Variants in KCMF1 observed in about 807,000 individuals in gnomAD.
KCMF1 encodes the protein potassium channel modulatory factor 1.
KCMF1 carries 3 observed loss-of-function variants against 41.1 expected under a neutral mutation model. The ratio of observed to expected loss-of-function variants is 0.07; its 90% CI spans 0.03 to 0.19. The LOEUF (loss-of-function observed/expected upper bound fraction) is 0.19, where lower values mean the gene tolerates loss of function less well. Among genes scored for constraint, KCMF1 ranks in the 10% least tolerant of loss-of-function variants. The pLI, the probability that KCMF1 is intolerant of heterozygous loss-of-function variation, is 1.00. For synonymous variants in KCMF1, 142 were observed against 164.5 expected, an observed-to-expected ratio of 0.86 and a Z score of 1.04; for missense variants, 286 against 488.9, an observed-to-expected ratio of 0.58 and a Z score of 3.91.
At chr2:85,006,912 C>T (rs773781933) in intron 1 of KCMF1, among the ~76,000 whole-genome samples, 13 of 151,592 alleles carry the variant, frequency 8.6e-5, no homozygotes, top group Non-Finnish European at 1.8e-4. Flanking sequence ...AGTTTGAGAC[C>T]AGGCTGACCA....
At chr2:84,993,295 C>A (rs1454692153) in intron 1 of KCMF1, among the ~76,000 whole-genome samples, 3 of 152,050 alleles carry the variant, frequency 2.0e-5, no homozygotes, top group Admixed American at 2.0e-4. Flanking sequence ...TCACTGTCCT[C>A]ATGACATAAT....
intron 4 of KCMF1, 57 bp from the exon 5 acceptor site, chr2:85,046,047 G>C (rs1317328107): frequency 9.9e-6 from 14 of 1,407,878 alleles, no homozygotes; most frequent in Non-Finnish European, 1.3e-5. Flanking sequence ...CAAGGACTCA[G>C]GTGATTTTTT....
chr2:85,007,983 G>A (rs1015259931), intron 1 of KCMF1, among the ~76,000 whole-genome samples: 4 of 151,840 alleles, frequency 2.6e-5, no homozygotes, highest in African/African-American at 9.7e-5. Context: ...GGCTGGCTTT[G>A]AACTCCTGAC....
chr2:85,049,779 C>G, intron 6 of KCMF1, 131 bp downstream of exon 6: 1 of 703,542 alleles, frequency 1.4e-6, no homozygotes, highest in Non-Finnish European at 2.3e-6. Flanking sequence ...TCACAGATCT[C>G]TGATTAAAAC....
intron 1 of KCMF1, among the ~76,000 whole-genome samples, chr2:85,011,987 T>A (rs1181386449): frequency 1.3e-5 from 2 of 152,144 alleles, no homozygotes; most frequent in Non-Finnish European, 2.9e-5. Context: ...TTGAGACCCA[T>A]TTCCTAGACC....
chr2:84,992,665 C>T (rs1674071336), intron 1 of KCMF1, among the ~76,000 whole-genome samples: 1 of 151,776 alleles, frequency 6.6e-6, no homozygotes, highest in Admixed American at 6.6e-5. Flanking sequence ...CGGAGTCTAG[C>T]TCTGTCGCCC....
chr2:85,025,689 A>G (rs1054611495), intron 1 of KCMF1, among the ~76,000 whole-genome samples: 4 of 151,836 alleles, frequency 2.6e-5, no homozygotes, highest in African/African-American at 7.3e-5. Flanking sequence ...GCTTACTGCA[A>G]CCTCTGCCTC....
At chr2:85,019,904 A>AAC (rs1674889037) in intron 1 of KCMF1, among the ~76,000 whole-genome samples, 3 of 151,940 alleles carry the variant, frequency 2.0e-5, no homozygotes, top group Non-Finnish European at 4.4e-5. Flanking sequence ...GAGAAGCTAA[A>AAC]ATATATATAT....
At position 85,056,591 on chromosome 2, in the gene KCMF1, G is replaced by A. The variant is rs895019033; in HGVS notation, c.*3182G>A. On this transcript the variant is annotated 3_prime_UTR_variant, in exon 7 of 7. Transcript: ENST00000409785. ...GGACAAAGTGGGTTGGGGGGTAGAA[G>A]GAGAATACTAGAGAGGTTACGGTAG... 2 of 152,220 alleles carry A rather than the reference G, an allele frequency of 1.3e-5. No individual in the cohort carries two copies. The highest frequency in any genetic ancestry group is 4.8e-5 in the African/African-American group (2 of 41,442). The allele number at this position is 152,220 out of a possible 1,614,324, so 9.4% of individuals were successfully genotyped here. A position where few individuals can be genotyped will look rare whatever the true frequency, so the allele number is the denominator to read the frequency against.
chr2:84,976,083 C>T (rs1304960927), intron 1 of KCMF1, among the ~76,000 whole-genome samples: 5 of 152,050 alleles, frequency 3.3e-5, no homozygotes, highest in African/African-American at 1.2e-4. Context: ...GTGAAACATG[C>T]CATAAGGAAG....
At chr2:85,005,278 T>C (rs928469457) in intron 1 of KCMF1, among the ~76,000 whole-genome samples, 1 of 151,548 alleles carries the variant, frequency 6.6e-6, no homozygotes, top group Non-Finnish European at 1.5e-5. Context: ...GATATTTTGC[T>C]TTTTTATTTA....
At chr2:84,974,691 ATTTTTTTTTTTTTTTT>A (rs869056943) in intron 1 of KCMF1, among the ~76,000 whole-genome samples, 1 of 14,690 alleles carries the variant, frequency 6.8e-5, no homozygotes, top group African/African-American at 2.3e-4. Context: ...ATATATATAT[ATTTTTTTTTTTTTTTT>A]TTTTTTTTTT....
intron 2 of KCMF1, among the ~76,000 whole-genome samples, chr2:85,029,956 T>G (rs377052811): frequency 6.6e-6 from 1 of 152,112 alleles, no homozygotes; most frequent in Non-Finnish European, 1.5e-5. Flanking sequence ...GTGCTGAGAT[T>G]ACAGACATGA....
rs1455653109 is a variant in KCMF1, at chr2:85,053,963, A to G, written c.*554A>G. On this transcript the variant is annotated 3_prime_UTR_variant, in exon 7 of 7. Coordinates refer to ENST00000409785, the MANE Select transcript of KCMF1 (RefSeq NM_020122.5). ...AATCACCTTTCTTTGTGTGCCTCCT[A>G]CGCACAAAGCCAGCTCTGCAGTGGA... The G allele has an allele frequency of 6.6e-6, 1 of 152,636 alleles. No individual in the cohort carries two copies. The highest frequency in any genetic ancestry group is 2.4e-5 in the African/African-American group (1 of 41,430). The allele number at this position is 152,636 out of a possible 1,614,324, so 9.5% of individuals were successfully genotyped here.
At chr2:85,035,599 T>TA (rs1040172086) in intron 3 of KCMF1, among the ~76,000 whole-genome samples, 4 of 152,228 alleles carry the variant, frequency 2.6e-5, no homozygotes, top group Non-Finnish European at 5.9e-5. Flanking sequence ...TCGCTGATCT[T>TA]ACCTGGTTTT....
rs570922384 is a variant in KCMF1, at chr2:85,055,048, T to C, written c.*1639T>C. ...CCAAATACAATAGCTTTGTTTTCTT[T>C]AGTTCTGTAATGGATAATGTTTAAA... is the stretch of plus-strand genomic sequence containing the variant. On this transcript the variant is annotated 3_prime_UTR_variant, in exon 7 of 7. Coordinates refer to ENST00000409785, the MANE Select transcript of KCMF1 (RefSeq NM_020122.5). 2 of 152,382 alleles carry C rather than the reference T, an allele frequency of 1.3e-5. No individual in the cohort carries two copies. Among genetic ancestry groups the C allele is most frequent in the Admixed American group, 6.5e-5 (1 of 15,312 alleles). The allele number at this position is 152,382 out of a possible 1,614,324, so 9.4% of individuals were successfully genotyped here.
chr2:85,034,677 A>G (rs1250428418), intron 2 of KCMF1, among the ~76,000 whole-genome samples: 1 of 152,218 alleles, frequency 6.6e-6, no homozygotes, highest in Non-Finnish European at 1.5e-5. Flanking sequence ...TTTGGAGTGC[A>G]GTGGCATGAT....
intron 3 of KCMF1, among the ~76,000 whole-genome samples, chr2:85,039,185 A>G (rs566443680): frequency 6.6e-6 from 1 of 152,374 alleles, no homozygotes; most frequent in South Asian, 2.1e-4. Context: ...ACAAAATTAT[A>G]TAATATAACA....
chr2:84,987,497 G>A (rs1673932482), intron 1 of KCMF1, among the ~76,000 whole-genome samples: 1 of 152,206 alleles, frequency 6.6e-6, no homozygotes, highest in South Asian at 2.1e-4. Flanking sequence ...ATAAATTGCA[G>A]GACAGCCAGC....
Sources: gnomAD v4.1 joint callset for allele counts (sites outside exome capture counted in the v4.1 genomes callset) on GRCh38, gnomAD v4.1.1 for gene constraint, MANE v1.5 for transcripts, NCBI Gene and HGNC (gene_info 2026-07-23, HGNC 2026-07-21) for gene names.